The following SLC30A8 variants were observed in gnomAD, a reference collection of about 807,000 sequenced individuals.
SLC30A8 encodes proton-coupled zinc antiporter SLC30A8.
Under a neutral mutation model 36.9 loss-of-function variants are expected in SLC30A8, and 27 were observed. The ratio of observed to expected loss-of-function variants is 0.73; its 90% CI spans 0.54 to 1.01. The LOEUF is 1.01. SLC30A8 is among the 50% of genes least tolerant of loss of function. SLC30A8 has a pLI of 0.00. For synonymous variants in SLC30A8, 164 were observed against 172.4 expected (o/e 0.95, Z 0.38); for missense variants, 439 against 452.0 (o/e 0.97, Z 0.26).
chr8:117,145,020 A>G (rs1000495520), intron 1 of SLC30A8, among the ~76,000 whole-genome samples: 1 of 152,126 alleles, frequency 6.6e-6, no homozygotes, highest in Admixed American at 6.6e-5. Context: ...AAAGAAATAC[A>G]TAGTTTGATT....
At chr8:117,025,932 G>T (rs1816858027) in intron 1 of SLC30A8, among the ~76,000 whole-genome samples, 1 of 152,192 alleles carries the variant, frequency 6.6e-6, no homozygotes, top group South Asian at 2.1e-4. Context: ...CAGCCTCAAG[G>T]CTTTTAAAGC....
chr8:116,973,506 GA>G (rs1343596948), intron 1 of SLC30A8, among the ~76,000 whole-genome samples: 4 of 152,162 alleles, frequency 2.6e-5, no homozygotes, highest in Non-Finnish European at 5.9e-5. Context: ...TCTTCAGGGA[GA>G]ACTACAAACC....
At chr8:117,045,448 G>C (rs893010523) in intron 2 of SLC30A8, among the ~76,000 whole-genome samples, 9 of 152,012 alleles carry the variant, frequency 5.9e-5, no homozygotes, top group African/African-American at 2.2e-4. Flanking sequence ...TGTCAATTTT[G>C]GTTTCTGGAA....
At chr8:116,998,692 C>A (rs1815902942) in intron 1 of SLC30A8, among the ~76,000 whole-genome samples, 1 of 152,072 alleles carries the variant, frequency 6.6e-6, no homozygotes, top group Admixed American at 6.5e-5. Flanking sequence ...CTGTGGTGTC[C>A]TTATAAAAAG....
At chr8:117,095,247 C>T (rs529798685) in intron 2 of SLC30A8, among the ~76,000 whole-genome samples, 2 of 152,276 alleles carry the variant, frequency 1.3e-5, no homozygotes, top group African/African-American at 2.4e-5. Context: ...CTAGATGGGC[C>T]GCTGCTGTCA....
intron 1 of SLC30A8, among the ~76,000 whole-genome samples, chr8:117,015,537 C>G (rs1040531587): frequency 4.9e-4 from 8 of 16,452 alleles, no homozygotes; most frequent in Admixed American, 1.7e-3. Context: ...CTATTATGCA[C>G]CCCCCCCCCC....
At position 117,104,742 on chromosome 8, in the gene SLC30A8, C is replaced by G. The variant is rs1315483549; in HGVS notation, c.-225-30538C>G. On this transcript the variant is annotated intron_variant, in intron 2 of 10. Transcript: ENST00000427715. ...CAGAAAGTAAAGGAATAAAAAATGG[C>G]TACTCCATTGGCAGAGCAGCCCAGA... Among the ~76,000 whole-genome samples, 3 of 152,220 alleles carry G rather than the reference C, an allele frequency of 2.0e-5. No homozygotes were observed. In the East Asian group the frequency reaches 5.8e-4, roughly 29 times the overall value.
At chr8:117,171,822 C>T (rs1285835821) in intron 7 of SLC30A8, among the ~76,000 whole-genome samples, 1 of 152,074 alleles carries the variant, frequency 6.6e-6, no homozygotes, top group Non-Finnish European at 1.5e-5. Context: ...CCAAGGATAA[C>T]ACATTAGGCT....
intron 6 of SLC30A8, among the ~76,000 whole-genome samples, chr8:117,166,935 G>C (rs1823087587): frequency 6.6e-6 from 1 of 151,680 alleles, no homozygotes; most frequent in South Asian, 2.1e-4. Flanking sequence ...TAATAGTGTT[G>C]ACAACAGTGA....
chr8:117,134,982 A>G (rs139863261), upstream of SLC30A8: 38 of 179,850 alleles, frequency 2.1e-4, no homozygotes, highest in African/African-American at 7.7e-4. Flanking sequence ...ACCCTACATC[A>G]GCAATTTGTA....
Position 117,147,153 on chromosome 8 carries a change from G to A in SLC30A8, c.271G>A (p.Gly91Ser). The A allele has an allele frequency of 6.2e-7, 1 of 1,613,162 alleles. No homozygotes were observed. Among genetic ancestry groups the A allele is most frequent in the Admixed American group, 1.7e-5 (1 of 60,014 alleles). Residue 91 changes from glycine to serine, a missense_variant and splice_region_variant, in exon 2 of 8, where the codon GGT becomes AGT. By Grantham distance (56) the Gly-to-Ser change is moderately conservative. Transcript: ENST00000456015. ...CFIFMIAEVV[G>S]GHIAGSLAVV... ...CATTTTCATGATTGCAGAGGTCGTG[G>A]GTGAGTCTTTCTGCAGACTTTTTTC...
intron 1 of SLC30A8, among the ~76,000 whole-genome samples, chr8:117,008,525 G>C (rs1007334656): frequency 1.3e-5 from 2 of 152,176 alleles, no homozygotes; most frequent in African/African-American, 2.4e-5. Flanking sequence ...ACCTCATTCT[G>C]TCTGAGGGTG....
intron 2 of SLC30A8, among the ~76,000 whole-genome samples, chr8:117,077,322 G>C (rs1207759863): frequency 6.6e-6 from 1 of 152,114 alleles, no homozygotes; most frequent in Non-Finnish European, 1.5e-5. Context: ...TCAAGCTTCT[G>C]ATTCTTTTCA....
intron 2 of SLC30A8, among the ~76,000 whole-genome samples, chr8:117,118,262 C>T (rs1820541088): frequency 6.6e-6 from 1 of 151,660 alleles, no homozygotes; most frequent in Middle Eastern, 3.5e-3. Context: ...AAGCAACTGC[C>T]CATCTGTCAT....
intron 2 of SLC30A8, among the ~76,000 whole-genome samples, chr8:117,071,751 T>G: frequency 6.6e-6 from 1 of 152,226 alleles, no homozygotes; most frequent in Non-Finnish European, 1.5e-5. Context: ...GGATCTAATT[T>G]TATTTATTCC....
chr8:117,125,378 A>G (rs558889743), intron 2 of SLC30A8, among the ~76,000 whole-genome samples: 8 of 152,162 alleles, frequency 5.3e-5, no homozygotes, highest in Middle Eastern at 3.4e-3. Context: ...CCAGTAGTTT[A>G]TGCCACTAAT....
In SLC30A8 at chr8:116,994,848, A is replaced by C. The variant is rs144253803; in HGVS notation, c.-266+43729A>C. 9.5e-4 allele frequency among the ~76,000 whole-genome samples: 144 copies of C among 152,224 alleles called. 1 individual carries two copies. Among genetic ancestry groups the C allele is most frequent in the Admixed American group, 1.8e-3 (28 of 15,290 alleles). ...ATGTACTTTGAGGCATGGAGAAATG[A>C]CTTGTGTGTATGTTTTAGCTGGTAG... On this transcript the variant is annotated intron_variant, in intron 1 of 10. Transcript: ENST00000427715.
intron 2 of SLC30A8, among the ~76,000 whole-genome samples, chr8:117,149,203 A>G (rs1822049179): frequency 6.6e-6 from 1 of 152,244 alleles, no homozygotes; most frequent in South Asian, 2.1e-4. Flanking sequence ...ATGATTAACA[A>G]AGAATCAAGG....
intron 4 of SLC30A8, among the ~76,000 whole-genome samples, chr8:117,158,135 T>C (rs1225111176): frequency 6.6e-6 from 1 of 152,228 alleles, no homozygotes; most frequent in Non-Finnish European, 1.5e-5. Context: ...ACCCCTATGT[T>C]ATAGATTAGG....
Sources: gnomAD v4.1 joint callset for allele counts (sites outside exome capture counted in the v4.1 genomes callset) on GRCh38, gnomAD v4.1.1 for gene constraint, MANE v1.5 for transcripts, NCBI Gene and HGNC (gene_info 2026-07-23, HGNC 2026-07-21) for gene names.